Variants in CA8 observed in about 807,000 individuals in gnomAD.
The protein encoded by CA8 is carbonic anhydrase 8 (inactive), also known as carbonic anhydrase-related protein.
Under a neutral mutation model 41.4 loss-of-function variants are expected in CA8, and 22 were observed. The observed-to-expected ratio is 0.53, with a 90% confidence interval of 0.38 to 0.76. CA8 has a LOEUF of 0.76. Ranked by LOEUF, CA8 falls within the 30% of genes least tolerant of loss-of-function variation. The pLI, the probability that CA8 is intolerant of heterozygous loss-of-function variation, is 0.00. For missense variants in CA8, 270 were observed against 352.8 expected, an observed-to-expected ratio of 0.77 and a Z score of 1.88; for synonymous variants, 121 against 130.6, an observed-to-expected ratio of 0.93 and a Z score of 0.50.
intron 4 of CA8, among the ~76,000 whole-genome samples, chr8:60,229,553 C>A (rs1417940595): frequency 6.6e-6 from 1 of 152,162 alleles, no homozygotes; most frequent in Non-Finnish European, 1.5e-5. Flanking sequence ...CAGGGGGTGA[C>A]CCATCCCCTC....
At chr8:60,257,032 G>C (rs1211111593) in intron 3 of CA8, among the ~76,000 whole-genome samples, 1 of 151,934 alleles carries the variant, frequency 6.6e-6, no homozygotes, top group Non-Finnish European at 1.5e-5. Flanking sequence ...CCAGGCTGGA[G>C]TGCAGTGGTG....
chr8:60,189,237 A>G lies in CA8; in HGVS notation c.*784T>C, dbSNP rs572817985. ...AGGATACCACTAAATTTATATTTCT[A>G]TGTATGGAAAGTAAAGCTATTCCTG... On this transcript the variant is annotated 3_prime_UTR_variant, in exon 9 of 9. Transcript: ENST00000317995. 6.6e-6 allele frequency: 1 copy of G among 152,172 alleles called. No individual in the cohort carries two copies. Among genetic ancestry groups the G allele is most frequent in the Non-Finnish European group, 1.5e-5 (1 of 68,026 alleles). The allele number at this position is 152,172 out of a possible 1,614,324, so 9.4% of individuals were successfully genotyped here. A position where few individuals can be genotyped will look rare whatever the true frequency, so the allele number is the denominator to read the frequency against.
At chr8:60,268,397 G>A (rs1160993560) in intron 2 of CA8, among the ~76,000 whole-genome samples, 2 of 152,208 alleles carry the variant, frequency 1.3e-5, no homozygotes, top group Admixed American at 6.5e-5. Context: ...ACTAAGTACT[G>A]TCATATGGAA....
intron 8 of CA8, among the ~76,000 whole-genome samples, chr8:60,192,973 A>ACACACC (rs1806178215): frequency 6.8e-6 from 1 of 146,102 alleles, no homozygotes; most frequent in Admixed American, 7.0e-5. Context: ...ACACACACAC[A>ACACACC]CACCCCACCC....
At chr8:60,262,756 G>A (rs1803774351) in intron 3 of CA8, among the ~76,000 whole-genome samples, 1 of 152,212 alleles carries the variant, frequency 6.6e-6, no homozygotes, top group Admixed American at 6.5e-5. Flanking sequence ...CATAAACCTG[G>A]AGTATTCACA....
intron 3 of CA8, among the ~76,000 whole-genome samples, chr8:60,261,392 C>T (rs1803727440): frequency 6.6e-6 from 1 of 152,118 alleles, no homozygotes; most frequent in Admixed American, 6.5e-5. Context: ...GTCCAACATA[C>T]AATATGGCTA....
In CA8 at chr8:60,227,017, T is replaced by A. The variant is rs148555072; in HGVS notation, c.514-82A>T. ...CTAAAAAAAAACTAATAGGGCTGAG[T>A]GTGGTGGCTCATGCCTGTAACCCCA... On this transcript the variant is annotated intron_variant, in intron 4 of 8. Transcript: ENST00000317995. 580 of 983,794 alleles carry A rather than the reference T, an allele frequency of 5.9e-4. 2 individuals are homozygous for A. The highest frequency in any genetic ancestry group is 1.0e-3 in the South Asian group (77 of 76,974). 60.9% of individuals were successfully genotyped at this position (983,794 alleles called of 1,614,324 possible).
intron 4 of CA8, among the ~76,000 whole-genome samples, chr8:60,227,771 AAAT>A (rs535999980): frequency 4.1e-4 from 62 of 152,336 alleles, no homozygotes; most frequent in African/African-American, 1.4e-3. Flanking sequence ...ATTCTTAAAT[AAAT>A]AATAATGTGC....
intron 8 of CA8, among the ~76,000 whole-genome samples, chr8:60,200,971 T>G (rs1025851417): frequency 6.6e-6 from 1 of 152,198 alleles, no homozygotes; most frequent in Non-Finnish European, 1.5e-5. Context: ...GAGATGCTCT[T>G]GCAACAGTCA....
At chr8:60,278,538 G>GT (rs1394173981) in intron 2 of CA8, among the ~76,000 whole-genome samples, 3 of 152,116 alleles carry the variant, frequency 2.0e-5, no homozygotes, top group Admixed American at 1.3e-4. Context: ...TTAAAAAACA[G>GT]TAAGTAATGT....
At chr8:60,207,145 G>C (rs1011628281) in intron 8 of CA8, among the ~76,000 whole-genome samples, 1 of 152,066 alleles carries the variant, frequency 6.6e-6, no homozygotes, top group African/African-American at 2.4e-5. Context: ...CCCATGTCGT[G>C]GTGAAGAAAA....
intron 7 of CA8, among the ~76,000 whole-genome samples, chr8:60,210,038 C>T (rs528169759): frequency 2.2e-4 from 33 of 152,304 alleles, no homozygotes; most frequent in African/African-American, 7.2e-4. Context: ...CACTTAAGTG[C>T]CACACAGTCA....
At chr8:60,191,108 AC>A (rs1563515885) in intron 8 of CA8, among the ~76,000 whole-genome samples, 1 of 151,736 alleles carries the variant, frequency 6.6e-6, no homozygotes, top group African/African-American at 2.4e-5. Flanking sequence ...CTCTACCAGG[AC>A]CAAACTACAT....
intron 7 of CA8, among the ~76,000 whole-genome samples, chr8:60,219,496 C>A (rs1433622490): frequency 2.0e-5 from 3 of 152,108 alleles, no homozygotes; most frequent in African/African-American, 4.8e-5. Flanking sequence ...CCTAAATCTG[C>A]ACATTAGGCC....
intron 8 of CA8, among the ~76,000 whole-genome samples, chr8:60,200,386 C>T (rs1806389885): frequency 6.6e-6 from 1 of 152,212 alleles, no homozygotes; most frequent in Admixed American, 6.5e-5. Flanking sequence ...AATTACTCCA[C>T]ACTACCATAA....
At chr8:60,236,861 C>T (rs1585887863) in intron 3 of CA8, among the ~76,000 whole-genome samples, 1 of 152,206 alleles carries the variant, frequency 6.6e-6, no homozygotes, top group African/African-American at 2.4e-5. Context: ...TATCTGGAGA[C>T]AAACAGGTCT....
At chr8:60,228,366 T>C (rs1807514076) in intron 4 of CA8, among the ~76,000 whole-genome samples, 1 of 152,076 alleles carries the variant, frequency 6.6e-6, no homozygotes, top group Non-Finnish European at 1.5e-5. Flanking sequence ...TCAGGAGAAA[T>C]GGACTTCTCT....
chr8:60,279,376 A>G (rs1167066098), intron 2 of CA8, among the ~76,000 whole-genome samples: 2 of 152,200 alleles, frequency 1.3e-5, no homozygotes, highest in Non-Finnish European at 1.5e-5. Context: ...TTTGGACAAA[A>G]CGCAGATTAC....
rs1430726862 is a variant in CA8, at chr8:60,185,755, G to T, written c.*4266C>A. ...ATAGCCCATATAAACAAAAACTAAA[G>T]ATTTGTCCCTATCAGATTTGCCTTA... is the stretch of plus-strand genomic sequence containing the variant. On this transcript the variant is annotated 3_prime_UTR_variant, in exon 9 of 9. Coordinates refer to ENST00000317995, the MANE Select transcript of CA8 (RefSeq NM_004056.6). Among the ~76,000 whole-genome samples the T allele has an allele frequency of 6.6e-6, 1 of 151,662 alleles. No homozygotes were observed. Among genetic ancestry groups the T allele is most frequent in the Non-Finnish European group, 1.5e-5 (1 of 67,944 alleles).
Sources: allele counts gnomAD v4.1 joint callset (sites outside exome capture counted in the v4.1 genomes callset), GRCh38; gene constraint gnomAD v4.1.1; transcripts MANE v1.5; gene names NCBI Gene and HGNC (gene_info 2026-07-23, HGNC 2026-07-21).